ECE2: variants seen among roughly 807,000 people sequenced by gnomAD.
ECE2 encodes the protein endothelin-converting enzyme 2.
A neutral mutation model predicts 100.6 loss-of-function variants in ECE2; 81 were observed. That is an observed-to-expected ratio of 0.81 (90% confidence interval 0.67 to 0.97). The LOEUF (loss-of-function observed/expected upper bound fraction) is 0.97, where lower values mean the gene tolerates loss of function less well. Among genes scored for constraint, ECE2 ranks in the 50% least tolerant of loss-of-function variants. ECE2 has a pLI of 0.00. For synonymous variants in ECE2, 391 were observed against 391.5 expected, an observed-to-expected ratio of 1.00 and a Z score of 0.02; for missense variants, 911 against 988.1, an observed-to-expected ratio of 0.92 and a Z score of 1.05.
Position 184,276,562 on chromosome 3 carries a change from A to C in ECE2, c.121A>C (p.Met41Leu), listed in dbSNP as rs1268157564. The C allele has an allele frequency of 3.7e-6, 6 of 1,609,634 alleles. No individual in the cohort carries two copies. In the South Asian group the frequency reaches 5.5e-5, roughly 15 times the overall value. ...PVEGGASPDA[M>L]EVGFQKGTRQ... ...AGAGGGCGGGGCCTCCCCGGACGCC[A>C]TGGAGGTGGGCAAGGGGGCTTCCCC... The change falls in exon 2 of 19, where the codon ATG becomes CTG. Residue 41 changes from methionine to leucine, a missense_variant. By Grantham distance (15) the Met-to-Leu change is conservative. Transcript: ENST00000404464.
Position 184,277,003 on chromosome 3 carries a change from GC to G in ECE2, c.241del (p.Leu81Ter). On this transcript the variant is annotated frameshift_variant, in exon 3 of 19. Coordinates refer to ENST00000404464, the MANE Select transcript of ECE2 (RefSeq NM_001100121.2). LOFTEE classifies it high-confidence loss of function. Reference protein sequence around the residue: ...LAALLLGCLVALGVQYHRDPS... With the variant: ...LAALLLGCLVXLGVQYHRDPS... ...TGCACTGCTTCTGGGCTGCCTTGTG[GC>G]CCTAGGGGTCCAGTACCACAGAGGT... 6.2e-7 allele frequency: 1 copy of G among 1,614,040 alleles called. No homozygotes were observed.
At chr3:184,276,838 T>C (rs1169774415) in intron 2 of ECE2, 54 bp from the exon 3 acceptor site, 1 of 1,604,360 alleles carries the variant, frequency 6.2e-7, no homozygotes, top group Non-Finnish European at 8.5e-7. Flanking sequence ...CCTCTGGTAA[T>C]CTTGGATCCC....
intron 10 of ECE2, among the ~76,000 whole-genome samples, chr3:184,286,831 A>AGTGTG (rs1459470635): frequency 6.9e-6 from 1 of 145,552 alleles, no homozygotes; most frequent in Admixed American, 6.9e-5. Flanking sequence ...TTGCAGACTG[A>AGTGTG]GTGTGGTGGC....
chr3:184,279,524 T>A (rs1292324683), intron 7 of ECE2, among the ~76,000 whole-genome samples: 1 of 150,900 alleles, frequency 6.6e-6, no homozygotes, highest in Non-Finnish European at 1.5e-5. Flanking sequence ...GGCATGGTGG[T>A]GTGCACCTGT....
Position 184,291,720 on chromosome 3 carries a change from G to A in ECE2, c.2121+281G>A. ...TGCGGGGCACAGGGTGGCGAAGGGGGCAAACGTTCATCCTCACGCTGTTCC... is the reference window on the plus strand; with the variant it reads ...TGCGGGGCACAGGGTGGCGAAGGGGACAAACGTTCATCCTCACGCTGTTCC... On this transcript the variant is annotated intron_variant, in intron 18 of 18. Transcript: ENST00000404464. This position sits in a 1 kb window ranked among gnomAD's most constrained non-coding sequence, Gnocchi z 4.1. 3.9e-6 allele frequency: 2 copies of A among 507,998 alleles called. No homozygotes were observed. Among genetic ancestry groups the A allele is most frequent in the South Asian group, 3.5e-5 (1 of 28,490 alleles). 31.5% of individuals were successfully genotyped at this position (507,998 alleles called of 1,614,324 possible).
At chr3:184,290,946 C>T (rs1721282829) in intron 16 of ECE2, 86 bp downstream of exon 16, 4 of 1,597,158 alleles carry the variant, frequency 2.5e-6, no homozygotes, top group Non-Finnish European at 3.4e-6. Context: ...GCCCCAAGGG[C>T]CCTGAAGTCT....
At position 184,280,824 on chromosome 3, in the gene ECE2, C is replaced by T. The variant is rs141716881; in HGVS notation, c.816+2267C>T. On this transcript the variant is annotated intron_variant, in intron 7 of 18. Coordinates refer to ENST00000404464, the MANE Select transcript of ECE2 (RefSeq NM_001100121.2). ...TGAAACCCCATCTCTACTAAAAATA[C>T]AAAAATTAGCCCGACGTGGTGGCGG... Among the ~76,000 whole-genome samples, 116 of 152,038 alleles carry T rather than the reference C, an allele frequency of 7.6e-4. 2 individuals carry two copies. The East Asian group carries it at 0.021, about 28-fold the overall frequency.
At chr3:184,284,048 C>T in intron 8 of ECE2, 75 bp downstream of exon 8, 3 of 1,547,702 alleles carry the variant, frequency 1.9e-6, no homozygotes, top group Non-Finnish European at 2.6e-6. Flanking sequence ...CCCTCCATGC[C>T]ATCTCCCCAA....
rs753785200 is a variant in ECE2, at chr3:184,287,922, C to T, written c.1349C>T (p.Thr450Met). The part of the protein sequence containing the change: ...FALGSLFVKA[T>M]FDRQSKEIAE... ...TTGGGGTCCCTCTTCGTGAAGGCCACGTTTGACCGGCAAAGCAAAGAAATT... is the reference window on the plus strand; with the variant it reads ...TTGGGGTCCCTCTTCGTGAAGGCCATGTTTGACCGGCAAAGCAAAGAAATT... The change falls in exon 11 of 19, where the codon ACG (threonine) becomes ATG (methionine). Residue 450 changes from threonine to methionine, a missense_variant. Coordinates refer to ENST00000404464, the MANE Select transcript of ECE2 (RefSeq NM_001100121.2). 1.5e-5 allele frequency: 25 copies of T among 1,614,066 alleles called. No individual in the cohort carries two copies. Among genetic ancestry groups the T allele is most frequent in the South Asian group, 5.5e-5 (5 of 91,082 alleles).
In ECE2 at chr3:184,282,765, C is replaced by G. The variant is rs1265558214; in HGVS notation, c.817-1020C>G. 4.6e-5 allele frequency among the ~76,000 whole-genome samples: 7 copies of G among 152,228 alleles called. No homozygotes were observed. The South Asian group carries it at 1.4e-3, about 32-fold the overall frequency. ...AGTCAAGCCGTGTCATCTTCCCAAG[C>G]TTCTGCCCTGGGGTGTGAAATGGGA... On this transcript the variant is annotated intron_variant, in intron 7 of 18. Coordinates refer to ENST00000404464, the MANE Select transcript of ECE2 (RefSeq NM_001100121.2).
Position 184,278,068 on chromosome 3 carries a change from T to C in ECE2, c.603+19T>C, listed in dbSNP as rs548453364. 1.9e-6 allele frequency: 3 copies of C among 1,613,710 alleles called. No individual in the cohort carries two copies. In the South Asian group the frequency reaches 3.3e-5, roughly 18 times the overall value. On this transcript the variant is annotated intron_variant, in intron 5 of 18. Coordinates refer to ENST00000404464, the MANE Select transcript of ECE2 (RefSeq NM_001100121.2). ...TGAGAAGGTAGGGCCACTGAGCCGG[T>C]TGAGGGCAGGGGAGCAGGAGAGGCC...
At position 184,289,110 on chromosome 3, in the gene ECE2, G is replaced by A. The variant is rs112321531; in HGVS notation, c.1375-327G>A. On this transcript the variant is annotated intron_variant, in intron 11 of 18. Transcript: ENST00000404464. The surrounding 1 kb of genome is among the most constrained non-coding windows in gnomAD (Gnocchi z 4.1). ...GCGGAGGTTGCAGTGAGCCGAGATTGCGCCACTGCACTCCATCCTAGGTAA... is the reference window on the plus strand; with the variant it reads ...GCGGAGGTTGCAGTGAGCCGAGATTACGCCACTGCACTCCATCCTAGGTAA... 8.8e-4 allele frequency among the ~76,000 whole-genome samples: 133 copies of A among 150,950 alleles called. No homozygotes were observed. Among genetic ancestry groups the A allele is most frequent in the African/African-American group, 3.2e-3 (133 of 41,050 alleles).
Position 184,292,706 on chromosome 3 carries a change from A to C in ECE2, c.*468A>C. The C allele has an allele frequency of 6.1e-6, 1 of 163,938 alleles. No homozygotes were observed. Among genetic ancestry groups the C allele is most frequent in the Non-Finnish European group, 1.3e-5 (1 of 75,078 alleles). The allele number at this position is 163,938 out of a possible 1,614,324, so 10.2% of individuals were successfully genotyped here. On this transcript the variant is annotated 3_prime_UTR_variant, in exon 19 of 19. Transcript: ENST00000404464. Reference sequence around the variant, plus strand: ...CACCCTCACGGGCTACCCCCACCTCACCCTGTGCTCCTTGTGCCACTGCTC... The same window carrying C: ...CACCCTCACGGGCTACCCCCACCTCCCCCTGTGCTCCTTGTGCCACTGCTC...
intron 13 of ECE2, among the ~76,000 whole-genome samples, chr3:184,290,023 G>A (rs111798901): frequency 6.9e-4 from 105 of 152,202 alleles, no homozygotes; most frequent in Non-Finnish European, 1.4e-3. Context: ...TAAAATGGGG[G>A]TCCTACTAGT....
At position 184,290,683 on chromosome 3, in the gene ECE2, G is replaced by A; in HGVS notation, c.1766+16G>A. ...ACCACCCCAAGTGTGTCTGAAGCAG[G>A]AGGGGCTGGGTGCTGGGGCCTGGGC... On this transcript the variant is annotated intron_variant, in intron 15 of 18. Transcript: ENST00000404464. 2 of 1,613,866 alleles carry A rather than the reference G, an allele frequency of 1.2e-6. No individual in the cohort carries two copies. Among genetic ancestry groups the A allele is most frequent in the Non-Finnish European group, 1.7e-6 (2 of 1,179,810 alleles).
In ECE2 at chr3:184,290,609, G is replaced by C; in HGVS notation, c.1708G>C (p.Glu570Gln). 6.2e-7 allele frequency: 1 copy of C among 1,614,210 alleles called. No individual in the cohort carries two copies. Among genetic ancestry groups the C allele is most frequent in the African/African-American group, 1.3e-5 (1 of 75,050 alleles). ...VNAYYLPTKN[E>Q]IVFPAGILQA... is the part of the protein sequence containing the mutation. ...TGCCTACTACCTTCCAACTAAGAAT[G>C]AGATCGTCTTCCCCGCTGGCATCCT... The change falls in exon 15 of 19, where the codon GAG becomes CAG. Residue 570 changes from glutamate (E) to glutamine (Q), a missense_variant. Transcript: ENST00000404464.
intron 14 of ECE2, 25 bp from the exon 15 acceptor site, chr3:184,290,532 C>T: frequency 6.2e-7 from 1 of 1,607,114 alleles, no homozygotes; most frequent in Non-Finnish European, 8.5e-7. Context: ...TCGGGAGCCT[C>T]AGCCCCTCAC....
At chr3:184,284,110 C>T (rs1720928646) in intron 8 of ECE2, 137 bp downstream of exon 8, 2 of 1,087,114 alleles carry the variant, frequency 1.8e-6, no homozygotes, top group South Asian at 1.6e-5. Flanking sequence ...CCCAGCTGCA[C>T]TGCTGCTGTC....
In ECE2 at chr3:184,287,931, G is replaced by T. The variant is rs35875049; in HGVS notation, c.1358G>T (p.Arg453Leu). ...CTCTTCGTGAAGGCCACGTTTGACC[G>T]GCAAAGCAAAGAAATTGTGAGTCTA... The part of the protein sequence containing the change: ...GSLFVKATFD[R>L]QSKEIAEGMI... The change falls in exon 11 of 19, where the codon CGG (arginine) becomes CTG (leucine). Residue 453 changes from arginine (R) to leucine (L), a missense_variant. Transcript: ENST00000404464. 2.7e-5 allele frequency: 44 copies of T among 1,613,870 alleles called. No individual in the cohort carries two copies. In the African/African-American group the frequency reaches 5.1e-4, roughly 19 times the overall value.
Sources: allele counts gnomAD v4.1 joint callset (sites outside exome capture counted in the v4.1 genomes callset), GRCh38; gene constraint gnomAD v4.1.1; non-coding constraint Gnocchi (gnomAD v3.1); transcripts MANE v1.5; gene names NCBI Gene and HGNC (gene_info 2026-07-23, HGNC 2026-07-21).